EPHB1: variants seen among roughly 807,000 people sequenced by gnomAD.
EPHB1 encodes EPH receptor B1, also known as ephrin type-B receptor 1.
EPHB1 carries 30 observed loss-of-function variants against 94.4 expected under a neutral mutation model. That is an observed-to-expected ratio of 0.32 (90% CI 0.24 to 0.43). The LOEUF is 0.43. Among genes scored for constraint, EPHB1 ranks in the 20% least tolerant of loss-of-function variants. The pLI is 1.00. For synonymous variants in EPHB1, 522 were observed against 489.1 expected, an observed-to-expected ratio of 1.07 and a Z score of -0.89; for missense variants, 1,055 against 1,308.3, an observed-to-expected ratio of 0.81 and a Z score of 2.99.
At chr3:134,797,404 A>G (rs917765795) in intron 1 of EPHB1, among the ~76,000 whole-genome samples, 5 of 152,200 alleles carry the variant, frequency 3.3e-5, no homozygotes, top group Non-Finnish European at 5.9e-5. Context: ...TGCAAGGGCA[A>G]TTCCAGACTG....
intron 5 of EPHB1, among the ~76,000 whole-genome samples, chr3:135,133,391 G>A (rs1487371450): frequency 1.3e-5 from 2 of 152,138 alleles, no homozygotes; most frequent in African/African-American, 4.8e-5. Context: ...GTGTGTGAGT[G>A]GACAAACAGA....
intron 2 of EPHB1, among the ~76,000 whole-genome samples, chr3:134,947,699 C>T (rs2039239682): frequency 6.6e-6 from 1 of 152,220 alleles, no homozygotes; most frequent in East Asian, 1.9e-4. Context: ...ACAATTACTT[C>T]TGCTGGGTCT....
At chr3:135,232,854 G>C (rs116486833) in intron 12 of EPHB1, among the ~76,000 whole-genome samples, 1 of 152,152 alleles carries the variant, frequency 6.6e-6, no homozygotes, top group Non-Finnish European at 1.5e-5. Flanking sequence ...GCAGCAAGAA[G>C]TGCCAAGCAA....
At chr3:135,112,380 G>C (rs1939482143) in intron 4 of EPHB1, among the ~76,000 whole-genome samples, 1 of 152,004 alleles carries the variant, frequency 6.6e-6, no homozygotes, top group African/African-American at 2.4e-5. Flanking sequence ...ACACAATGAG[G>C]GTGATTTTTT....
chr3:135,172,582 C>G (rs1941835755), intron 9 of EPHB1, among the ~76,000 whole-genome samples: 2 of 152,220 alleles, frequency 1.3e-5, no homozygotes, highest in South Asian at 4.1e-4. Flanking sequence ...TTCAGAACTG[C>G]AAGGGACACA....
intron 1 of EPHB1, 90 bp from the exon 2 acceptor site, chr3:134,925,726 A>T (rs1182924082): frequency 1.8e-6 from 2 of 1,111,526 alleles, no homozygotes; most frequent in East Asian, 5.5e-5. Context: ...ATTTACTATC[A>T]CAAACAACTT....
intron 10 of EPHB1, among the ~76,000 whole-genome samples, chr3:135,182,902 C>T (rs183081511): frequency 7.2e-5 from 11 of 152,232 alleles, no homozygotes; most frequent in African/African-American, 2.2e-4. Flanking sequence ...GAAGTATTTA[C>T]ATCATGGGAA....
At chr3:135,200,440 CT>C (rs1304637216) in intron 11 of EPHB1, among the ~76,000 whole-genome samples, 1 of 152,108 alleles carries the variant, frequency 6.6e-6, no homozygotes, top group East Asian at 1.9e-4. Context: ...TGAGGTTCCC[CT>C]GACCCACTGT....
chr3:134,822,295 C>G (rs2036397241), intron 1 of EPHB1, among the ~76,000 whole-genome samples: 1 of 152,126 alleles, frequency 6.6e-6, no homozygotes, highest in Non-Finnish European at 1.5e-5. Context: ...GCTGTCCAGG[C>G]ATGGTCAAAC....
intron 9 of EPHB1, among the ~76,000 whole-genome samples, chr3:135,176,541 CAT>C (rs1240654965): frequency 1.3e-5 from 2 of 152,220 alleles, no homozygotes; most frequent in East Asian, 1.9e-4. Flanking sequence ...CACACACACA[CAT>C]ACTTCTTAAT....
chr3:134,813,604 C>T lies in EPHB1; in HGVS notation c.58+17915C>T, dbSNP rs539574480. Among the ~76,000 whole-genome samples the T allele has an allele frequency of 1.2e-4, 18 of 152,326 alleles. No homozygotes were observed. In the East Asian group the frequency reaches 2.5e-3, roughly 21 times the overall value. On this transcript the variant is annotated intron_variant, in intron 1 of 15. Transcript: ENST00000398015. ...ACTGTGAGTGTCCGAGGCTGTTCAT[C>T]ACCTTTTTCTCAGCTGCTCTGACTC...
chr3:134,914,109 G>C (rs778434228), intron 1 of EPHB1, among the ~76,000 whole-genome samples: 32 of 152,156 alleles, frequency 2.1e-4, no homozygotes, highest in Admixed American at 3.9e-4. Context: ...CTGAAGGCTG[G>C]GTTTGGAGCC....
chr3:135,219,594 C>G (rs1262535958), intron 12 of EPHB1, among the ~76,000 whole-genome samples: 2 of 152,094 alleles, frequency 1.3e-5, no homozygotes, highest in Non-Finnish European at 2.9e-5. Flanking sequence ...AGACTTGCAG[C>G]ATAAGATTTT....
Position 134,897,775 on chromosome 3 carries a change from G to A in EPHB1, c.59-28041G>A, listed in dbSNP as rs150556656. Among the ~76,000 whole-genome samples the A allele has an allele frequency of 7.1e-3, 1,079 of 152,300 alleles. 8 individuals carry two copies. Among genetic ancestry groups the A allele is most frequent in the South Asian group, 0.029 (140 of 4,830 alleles). ...TAGGATTGTCTGTGAAAGAAAGACC[G>A]TGCCTGGTTGTGGACATCAGCCCAA... On this transcript the variant is annotated intron_variant, in intron 1 of 15. Coordinates refer to ENST00000398015, the MANE Select transcript of EPHB1 (RefSeq NM_004441.5).
chr3:134,909,333 T>C (rs983654706), intron 1 of EPHB1, among the ~76,000 whole-genome samples: 1 of 152,088 alleles, frequency 6.6e-6, no homozygotes. Context: ...AACAAGAAAA[T>C]GTCTCTCTGG....
chr3:134,944,610 C>T (rs2039181811), intron 2 of EPHB1, among the ~76,000 whole-genome samples: 1 of 152,196 alleles, frequency 6.6e-6, no homozygotes. Flanking sequence ...TCCACTAGGA[C>T]TATGCTTCCA....
At chr3:135,076,473 G>T (rs1937925708) in intron 3 of EPHB1, among the ~76,000 whole-genome samples, 2 of 152,134 alleles carry the variant, frequency 1.3e-5, no homozygotes, top group South Asian at 4.2e-4. Flanking sequence ...ATTCAAAAAT[G>T]GAAGTCTTAT....
chr3:135,201,344 G>C, intron 11 of EPHB1, 130 bp from the exon 12 acceptor site: 1 of 833,096 alleles, frequency 1.2e-6, no homozygotes, highest in Non-Finnish European at 2.0e-6. Flanking sequence ...AGTGGGAAGA[G>C]AGGAGGACAC....
chr3:134,944,479 A>G (rs1372347187), intron 2 of EPHB1, among the ~76,000 whole-genome samples: 2 of 152,222 alleles, frequency 1.3e-5, no homozygotes, highest in Non-Finnish European at 2.9e-5. Context: ...TACTCCTCAT[A>G]TAAAGATGTA....
Sources: allele counts gnomAD v4.1 joint callset (sites outside exome capture counted in the v4.1 genomes callset), GRCh38; gene constraint gnomAD v4.1.1; transcripts MANE v1.5; gene names NCBI Gene and HGNC (gene_info 2026-07-23, HGNC 2026-07-21).